The following NCKAP5 variants were observed in gnomAD, a reference collection of about 807,000 sequenced individuals.
NCKAP5 encodes the protein nck-associated protein 5.
NCKAP5 carries 92 observed loss-of-function variants against 167.0 expected under a neutral mutation model. That is an observed-to-expected ratio of 0.55 (90% CI 0.47 to 0.66). The LOEUF (loss-of-function observed/expected upper bound fraction) is 0.66, where lower values mean the gene tolerates loss of function less well. NCKAP5 is among the 30% of genes least tolerant of loss of function. The pLI is 0.00. For synonymous variants in NCKAP5, 891 were observed against 877.4 expected (o/e 1.02, Z -0.27); for missense variants, 2,378 against 2,315.0 (o/e 1.03, Z -0.56).
At chr2:132,927,853 A>G (rs1696033940) in intron 8 of NCKAP5, among the ~76,000 whole-genome samples, 1 of 152,136 alleles carries the variant, frequency 6.6e-6, no homozygotes, top group African/African-American at 2.4e-5. Context: ...AGTTGGGCAA[A>G]GGGGTTCACC....
the NCKAP5 span, among the ~76,000 whole-genome samples, chr2:133,671,556 G>A: frequency 6.6e-6 from 1 of 152,078 alleles, no homozygotes; most frequent in African/African-American, 2.4e-5. Context: ...GAGCTCGCAT[G>A]TTCAGGCCCC....
intron 3 of NCKAP5, among the ~76,000 whole-genome samples, chr2:133,451,961 T>C (rs1212566141): frequency 6.6e-6 from 1 of 152,206 alleles, no homozygotes; most frequent in Non-Finnish European, 1.5e-5. Flanking sequence ...GGGGGCTATA[T>C]GTGCACTGCA....
chr2:133,045,494 T>G (rs2079366122), intron 6 of NCKAP5, among the ~76,000 whole-genome samples: 1 of 152,116 alleles, frequency 6.6e-6, no homozygotes. Flanking sequence ...ATATTTCTAT[T>G]TGTAATATTC....
chr2:132,818,474 G>A (rs113360977), intron 11 of NCKAP5, among the ~76,000 whole-genome samples: 5,368 of 152,222 alleles, frequency 0.035, 315 homozygotes, highest in African/African-American at 0.12. Flanking sequence ...TCAGGGGTTT[G>A]AGACCAACCT....
chr2:133,230,662 T>A (rs2087104285), intron 4 of NCKAP5, among the ~76,000 whole-genome samples: 1 of 152,148 alleles, frequency 6.6e-6, no homozygotes, highest in Non-Finnish European at 1.5e-5. Context: ...ACCCAAAGGC[T>A]CCAGACAGCT....
At chr2:132,710,406 T>A (rs1005926213) in intron 19 of NCKAP5, among the ~76,000 whole-genome samples, 6 of 152,196 alleles carry the variant, frequency 3.9e-5, no homozygotes, top group African/African-American at 1.4e-4. Flanking sequence ...GAAGCACATA[T>A]CCCTTTCATA....
chr2:133,381,547 A>T (rs1686524065), intron 3 of NCKAP5: 1 of 152,228 alleles, frequency 6.6e-6, no homozygotes, highest in Non-Finnish European at 1.5e-5. Flanking sequence ...GGCAAAGATT[A>T]GAAATTAGAA....
At chr2:133,155,197 G>A (rs2083529055) in intron 5 of NCKAP5, among the ~76,000 whole-genome samples, 1 of 152,170 alleles carries the variant, frequency 6.6e-6, no homozygotes, top group African/African-American at 2.4e-5. Flanking sequence ...TTCCTGTGAA[G>A]TCCAACCTTG....
intron 19 of NCKAP5, among the ~76,000 whole-genome samples, chr2:132,682,220 T>C (rs934583144): frequency 6.6e-6 from 1 of 152,178 alleles, no homozygotes; most frequent in Admixed American, 6.5e-5. Flanking sequence ...TAATGGTCAC[T>C]ACCCAGGAAG....
At position 132,781,101 on chromosome 2, in the gene NCKAP5, T is replaced by C. The variant is rs768361794; in HGVS notation, c.5000A>G (p.Lys1667Arg). Residue 1667 changes from lysine (K) to arginine (R), a missense_variant, in exon 15 of 20, where the codon AAG (lysine) becomes AGG (arginine). Physicochemically the swap from Lys to Arg is conservative, Grantham distance 26 (BLOSUM62 2). Coordinates refer to ENST00000409261, the MANE Select transcript of NCKAP5 (RefSeq NM_207363.3). ...GSSISTQGNHKKNMKIKADME... is the reference protein window; with the variant it reads ...GSSISTQGNHRKNMKIKADME... Reference sequence around the variant, plus strand: ...ATCGGCTTTGATTTTCATGTTTTTCTTGTGGTTTCCTTGAGTACTGATAGA... The same window carrying C: ...ATCGGCTTTGATTTTCATGTTTTTCCTGTGGTTTCCTTGAGTACTGATAGA... 6.2e-7 allele frequency: 1 copy of C among 1,613,830 alleles called. No individual in the cohort carries two copies. Among genetic ancestry groups the C allele is most frequent in the Non-Finnish European group, 8.5e-7 (1 of 1,179,826 alleles).
intron 2 of NCKAP5, among the ~76,000 whole-genome samples, chr2:133,548,069 T>C (rs1194620259): frequency 1.4e-5 from 2 of 146,632 alleles, no homozygotes; most frequent in South Asian, 2.2e-4. Flanking sequence ...GCTTGAGAAC[T>C]ACGTGAAGAA....
chr2:133,286,238 C>T (rs933237672), intron 4 of NCKAP5, among the ~76,000 whole-genome samples: 5 of 152,052 alleles, frequency 3.3e-5, no homozygotes, highest in East Asian at 1.9e-4. Context: ...CCTCGTGATC[C>T]GCCTGCCTCG....
intron 4 of NCKAP5, among the ~76,000 whole-genome samples, chr2:133,234,433 A>T (rs1298423062): frequency 1.3e-5 from 2 of 152,190 alleles, no homozygotes; most frequent in Non-Finnish European, 2.9e-5. Context: ...TGAGACCATT[A>T]GTTCTCTGGA....
chr2:133,661,896 CAT>C, the NCKAP5 span, among the ~76,000 whole-genome samples: 2 of 152,074 alleles, frequency 1.3e-5, no homozygotes, highest in African/African-American at 4.8e-5. Flanking sequence ...GATACAAAGA[CAT>C]AGAATAGATA....
chr2:133,195,114 A>G (rs929141796), intron 5 of NCKAP5, among the ~76,000 whole-genome samples: 1 of 152,102 alleles, frequency 6.6e-6, no homozygotes, highest in Non-Finnish European at 1.5e-5. Flanking sequence ...AGTAACCAAC[A>G]GTAAAAAGCC....
intron 3 of NCKAP5, among the ~76,000 whole-genome samples, chr2:133,493,992 C>A (rs1157071883): frequency 6.6e-6 from 1 of 152,186 alleles, no homozygotes; most frequent in Non-Finnish European, 1.5e-5. Flanking sequence ...TCCAAGAAAT[C>A]ATTCTGACAT....
intron 6 of NCKAP5, among the ~76,000 whole-genome samples, chr2:133,109,316 A>C (rs978291000): frequency 1.3e-5 from 2 of 152,240 alleles, no homozygotes; most frequent in Non-Finnish European, 1.5e-5. Context: ...AGCAGTCTGG[A>C]AATAACATGT....
At chr2:132,730,732 G>T (rs114384621) in intron 17 of NCKAP5, among the ~76,000 whole-genome samples, 1 of 152,110 alleles carries the variant, frequency 6.6e-6, no homozygotes, top group African/African-American at 2.4e-5. Context: ...CTAAGATTTC[G>T]CCCCTGAATC....
intron 10 of NCKAP5, among the ~76,000 whole-genome samples, chr2:132,861,766 G>A (rs1689933094): frequency 6.6e-6 from 1 of 152,072 alleles, no homozygotes; most frequent in African/African-American, 2.4e-5. Context: ...TGCCTCCTTT[G>A]TGACGGTTAG....
Sources: allele counts gnomAD v4.1 joint callset (sites outside exome capture counted in the v4.1 genomes callset), GRCh38; gene constraint gnomAD v4.1.1; transcripts MANE v1.5; gene names NCBI Gene and HGNC (gene_info 2026-07-23, HGNC 2026-07-21).